Variants in TMPRSS11E observed in about 807,000 individuals in gnomAD.
TMPRSS11E encodes the protein transmembrane serine protease 11E, also known as transmembrane protease serine 11E.
TMPRSS11E carries 38 observed loss-of-function variants against 48.1 expected under a neutral mutation model. The observed-to-expected ratio is 0.79, with a 90% CI of 0.61 to 1.04. TMPRSS11E has a LOEUF of 1.04. Ranked by LOEUF, TMPRSS11E falls within the 50% of genes least tolerant of loss-of-function variation. The pLI, the probability that TMPRSS11E is intolerant of heterozygous loss-of-function variation, is 0.00. For synonymous variants in TMPRSS11E, 158 were observed against 171.9 expected (o/e 0.92, Z 0.63); for missense variants, 530 against 510.8 (o/e 1.04, Z -0.36).
intron 9 of TMPRSS11E, among the ~76,000 whole-genome samples, chr4:68,486,574 G>T (rs1729560218): frequency 6.6e-6 from 1 of 152,186 alleles, no homozygotes; most frequent in Admixed American, 6.5e-5. Context: ...CTTAGAGTAT[G>T]TGCCATACAT....
At chr4:68,456,408 A>T (rs186345811) in intron 1 of TMPRSS11E, among the ~76,000 whole-genome samples, 13 of 152,118 alleles carry the variant, frequency 8.5e-5, no homozygotes, top group African/African-American at 2.9e-4. Context: ...ATAGGACAGA[A>T]ATATGTTATT....
At chr4:68,476,192 A>C in intron 6 of TMPRSS11E, 69 bp from the exon 7 acceptor site, 3 of 1,600,236 alleles carry the variant, frequency 1.9e-6, no homozygotes, top group Non-Finnish European at 2.6e-6. Context: ...ACATAGTAAC[A>C]CAATTTGATG....
chr4:68,462,755 G>T (rs1728828580), intron 2 of TMPRSS11E, among the ~76,000 whole-genome samples: 1 of 152,052 alleles, frequency 6.6e-6, no homozygotes, highest in African/African-American at 2.4e-5. Context: ...TCTCATCTTA[G>T]GATATATTGT....
intron 1 of TMPRSS11E, among the ~76,000 whole-genome samples, chr4:68,457,938 G>A (rs954900913): frequency 2.6e-5 from 4 of 152,062 alleles, no homozygotes; most frequent in African/African-American, 4.8e-5. Context: ...ATCAGTGGGT[G>A]GGGGGCTAGG....
intron 8 of TMPRSS11E, 63 bp downstream of exon 8, chr4:68,477,691 G>T (rs1428750894): frequency 3.8e-6 from 6 of 1,569,386 alleles, no homozygotes; most frequent in Middle Eastern, 1.7e-4. Flanking sequence ...TTTAAGCAAT[G>T]AAATGCCATT....
chr4:68,459,353 C>CT (rs919097694), intron 1 of TMPRSS11E, among the ~76,000 whole-genome samples: 15 of 151,710 alleles, frequency 9.9e-5, no homozygotes, highest in Non-Finnish European at 1.3e-4. Context: ...CTCTCGCTCT[C>CT]TTTTTTTTAA....
Position 68,496,728 on chromosome 4 carries a change from C to G in TMPRSS11E, c.1196C>G (p.Ala399Gly). ...AGIVSWGDECAKPNKPGVYTR... is the reference protein window; with the variant it reads ...AGIVSWGDECGKPNKPGVYTR... ...ATAGTGAGCTGGGGAGATGAATGTG[C>G]GAAACCCAACAAGCCTGGTGTTTAT... Residue 399 changes from alanine to glycine, a missense_variant, in exon 10 of 10, where the codon GCG (alanine) becomes GGG (glycine). Ala to Gly is a moderately conservative substitution (Grantham distance 60). Transcript: ENST00000305363. The G allele has an allele frequency of 6.2e-7, 1 of 1,613,604 alleles. No homozygotes were observed. Among genetic ancestry groups the G allele is most frequent in the Non-Finnish European group, 8.5e-7 (1 of 1,179,690 alleles).
intron 2 of TMPRSS11E, among the ~76,000 whole-genome samples, chr4:68,465,880 T>C (rs1023488133): frequency 1.3e-5 from 2 of 152,196 alleles, no homozygotes; most frequent in African/African-American, 4.8e-5. Flanking sequence ...TCTGCTTGCT[T>C]TATGCACTGG....
chr4:68,457,153 T>A (rs1296297186), intron 1 of TMPRSS11E, among the ~76,000 whole-genome samples: 2 of 152,032 alleles, frequency 1.3e-5, no homozygotes, highest in Non-Finnish European at 1.5e-5. Context: ...TGCAATCTAT[T>A]TATCTGACAA....
At chr4:68,491,498 C>A (rs1050280262) in intron 9 of TMPRSS11E, among the ~76,000 whole-genome samples, 1 of 151,818 alleles carries the variant, frequency 6.6e-6, no homozygotes, top group Non-Finnish European at 1.5e-5. Flanking sequence ...TAAGTCTGTC[C>A]CATATTGGTC....
Position 68,477,474 on chromosome 4 carries a change from C to A in TMPRSS11E, c.813C>A (p.His271Gln). The change falls in exon 8 of 10, where the codon CAC becomes CAA. Residue 271 changes from histidine (H) to glutamine (Q), a missense_variant. Physicochemically the swap from His to Gln is conservative, Grantham distance 24. Coordinates refer to ENST00000305363, the MANE Select transcript of TMPRSS11E (RefSeq NM_014058.4). ...RRIIVHEKYK[H>Q]PSHDYDISLA... is the part of the protein sequence containing the mutation. ...TAATTGTCCATGAAAAATACAAACA[C>A]CCATCACATGACTATGATATTTCTC... The A allele has an allele frequency of 6.2e-7, 1 of 1,613,940 alleles. No homozygotes were observed. The highest frequency in any genetic ancestry group is 8.5e-7 in the Non-Finnish European group (1 of 1,179,964).
intron 9 of TMPRSS11E, among the ~76,000 whole-genome samples, chr4:68,488,275 C>A (rs1006261435): frequency 2.6e-5 from 4 of 152,172 alleles, no homozygotes; most frequent in African/African-American, 9.7e-5. Flanking sequence ...CTTGCTCTCT[C>A]TCTTTCCTTG....
intron 4 of TMPRSS11E, among the ~76,000 whole-genome samples, chr4:68,470,952 G>C (rs1729047087): frequency 6.6e-6 from 1 of 151,790 alleles, no homozygotes; most frequent in Non-Finnish European, 1.5e-5. Context: ...CAAAACCACA[G>C]TTGATTTCAT....
intron 2 of TMPRSS11E, among the ~76,000 whole-genome samples, chr4:68,463,743 G>A (rs1578135255): frequency 1.3e-5 from 2 of 152,274 alleles, no homozygotes; most frequent in South Asian, 4.1e-4. Context: ...ACACTTTTGT[G>A]TGTCTAGAAT....
intron 1 of TMPRSS11E, among the ~76,000 whole-genome samples, chr4:68,456,096 C>T (rs1299455111): frequency 6.6e-6 from 1 of 151,968 alleles, no homozygotes; most frequent in Non-Finnish European, 1.5e-5. Context: ...ATGATAATCA[C>T]AGTGGAGGTC....
At chr4:68,489,632 C>A (rs1183146266) in intron 9 of TMPRSS11E, among the ~76,000 whole-genome samples, 5 of 152,174 alleles carry the variant, frequency 3.3e-5, no homozygotes, top group Non-Finnish European at 7.3e-5. Context: ...CTGACAGGGA[C>A]CTGCCTTCAG....
At chr4:68,447,916 G>A (rs1433195583) in intron 1 of TMPRSS11E, among the ~76,000 whole-genome samples, 1 of 151,604 alleles carries the variant, frequency 6.6e-6, no homozygotes, top group Non-Finnish European at 1.5e-5. Context: ...AAAAAAGTCT[G>A]AAATAATGCA....
At chr4:68,461,135 C>G (rs1042561359) in intron 1 of TMPRSS11E, among the ~76,000 whole-genome samples, 3 of 152,180 alleles carry the variant, frequency 2.0e-5, no homozygotes, top group Admixed American at 1.3e-4. Context: ...CCCGCCTCGG[C>G]CTCCCAAAGT....
At chr4:68,475,897 T>C (rs1461814825) in intron 6 of TMPRSS11E, among the ~76,000 whole-genome samples, 2 of 152,196 alleles carry the variant, frequency 1.3e-5, no homozygotes, top group Non-Finnish European at 2.9e-5. Context: ...AATGTCAGTA[T>C]GTATACATAC....
Sources: allele counts gnomAD v4.1 joint callset (sites outside exome capture counted in the v4.1 genomes callset), GRCh38; gene constraint gnomAD v4.1.1; transcripts MANE v1.5; gene names NCBI Gene and HGNC (gene_info 2026-07-23, HGNC 2026-07-21).